The following CLINT1 variants were observed in gnomAD, a reference collection of about 807,000 sequenced individuals.
CLINT1 encodes clathrin interactor 1.
CLINT1 carries 15 observed loss-of-function variants against 70.4 expected under a neutral mutation model. The observed-to-expected ratio is 0.21, with a 90% CI of 0.14 to 0.33. The LOEUF (loss-of-function observed/expected upper bound fraction) is 0.33, where lower values mean the gene tolerates loss of function less well. Among genes scored for constraint, CLINT1 ranks in the 10% least tolerant of loss-of-function variants. The probability of loss-of-function intolerance (pLI) is 1.00; values close to 1 mark genes in which losing one functional copy is unlikely to be tolerated. For synonymous variants in CLINT1, 227 were observed against 254.7 expected (o/e 0.89, Z 1.04); for missense variants, 615 against 778.1 (o/e 0.79, Z 2.49).
At chr5:157,790,784 T>C (rs544673948) in intron 10 of CLINT1, 2 of 308,614 alleles carry the variant, frequency 6.5e-6, no homozygotes, top group Non-Finnish European at 1.3e-5. Flanking sequence ...AAGCTAGTAC[T>C]AGGTAATTCG....
chr5:157,849,504 T>C (rs906856608), intron 1 of CLINT1, among the ~76,000 whole-genome samples: 1 of 152,268 alleles, frequency 6.6e-6, no homozygotes, highest in African/African-American at 2.4e-5. Flanking sequence ...ATATTCACTT[T>C]ATTGCAGTGG....
chr5:157,807,500 G>A (rs7715660), intron 6 of CLINT1, among the ~76,000 whole-genome samples: 1,965 of 152,156 alleles, frequency 0.013, 19 homozygotes, highest in Non-Finnish European at 0.021. Flanking sequence ...GAATGTAATA[G>A]TGAACTAATA....
At chr5:157,851,756 A>G (rs996434290) in intron 1 of CLINT1, among the ~76,000 whole-genome samples, 2 of 152,158 alleles carry the variant, frequency 1.3e-5, no homozygotes, top group African/African-American at 2.4e-5. Context: ...AATGAAGTAC[A>G]AACCATTCAT....
At chr5:157,817,584 G>C in intron 1 of CLINT1, 37 bp from the exon 2 acceptor site, 1 of 1,325,670 alleles carries the variant, frequency 7.5e-7, no homozygotes, top group Non-Finnish European at 1.1e-6. Context: ...CATGCACAAA[G>C]ATTAGCATCA....
rs753618111 is a variant in CLINT1 at position 157,819,285 on chromosome 5, GA to G, written c.42-1739del. Among the ~76,000 whole-genome samples, 8 of 152,112 alleles carry G rather than the reference GA, an allele frequency of 5.3e-5. No homozygotes were observed. The South Asian group carries it at 1.0e-3, about 20-fold the overall frequency. On this transcript the variant is annotated intron_variant, in intron 1 of 11. Transcript: ENST00000411809. The stretch of plus-strand genomic sequence containing the variant: ...TTCAGAACACTGTTCTACTATGGAA[GA>G]AAAGCAAAATCCTATTATTTTCTTT...
chr5:157,853,418 G>A (rs779036100), intron 1 of CLINT1, among the ~76,000 whole-genome samples: 2 of 151,624 alleles, frequency 1.3e-5, no homozygotes, highest in Non-Finnish European at 2.9e-5. Context: ...TGGATTACTA[G>A]CAAATGGCAC....
In CLINT1 at chr5:157,822,848, A is replaced by C. The variant is rs897771835; in HGVS notation, c.42-5301T>G. 2.0e-5 allele frequency among the ~76,000 whole-genome samples: 3 copies of C among 152,164 alleles called. No individual in the cohort carries two copies. The East Asian group carries it at 5.8e-4, about 29-fold the overall frequency. On this transcript the variant is annotated intron_variant, in intron 1 of 11. Transcript: ENST00000411809. The stretch of plus-strand genomic sequence containing the variant: ...AAAAACTTGAGCAGTCCTTGTTGGT[A>C]TTTTTTCCTCTTAAAAGTTCAAGAA...
intron 1 of CLINT1, among the ~76,000 whole-genome samples, chr5:157,855,927 C>T (rs1753744354): frequency 6.6e-6 from 1 of 151,692 alleles, no homozygotes; most frequent in African/African-American, 2.4e-5. Context: ...AAGAGCGAAA[C>T]CCCATCTCAA....
At chr5:157,851,233 T>C (rs1753562394) in intron 1 of CLINT1, among the ~76,000 whole-genome samples, 1 of 152,244 alleles carries the variant, frequency 6.6e-6, no homozygotes. Context: ...TGAGAATTCT[T>C]GAATGAAACA....
At chr5:157,815,544 G>C (rs1158285962) in intron 3 of CLINT1, among the ~76,000 whole-genome samples, 1 of 152,136 alleles carries the variant, frequency 6.6e-6, no homozygotes, top group Admixed American at 6.6e-5. Context: ...AGGCGGAAAG[G>C]AGGGGGTGGC....
rs908128183 is a variant in CLINT1, at chr5:157,813,154, G to A, written c.426C>T (p.Asp142=). The change falls in exon 5 of 12, where the codon GAC becomes GAT. Residue 142 remains aspartate, a synonymous_variant. Transcript: ENST00000411809. The stretch of plus-strand genomic sequence containing the variant: ...TCTTTCGCTCTTCACGAAGCCTGTC[G>A]TCATCCTGGGCAAATTCAACCAATT... The part of the protein sequence containing the change: ...VKELVEFAQD[D]DRLREERKKA... 9.9e-6 allele frequency: 16 copies of A among 1,613,692 alleles called. No homozygotes were observed. Among genetic ancestry groups the A allele is most frequent in the East Asian group, 4.5e-5 (2 of 44,852 alleles).
At chr5:157,835,663 G>T (rs773790639) in intron 1 of CLINT1, among the ~76,000 whole-genome samples, 8 of 152,094 alleles carry the variant, frequency 5.3e-5, no homozygotes, top group Non-Finnish European at 1.0e-4. Flanking sequence ...TGGAAAGGAA[G>T]AAAGGGGAGC....
intron 5 of CLINT1, among the ~76,000 whole-genome samples, chr5:157,810,499 A>G (rs1037025906): frequency 1.3e-5 from 2 of 152,216 alleles, no homozygotes; most frequent in African/African-American, 4.8e-5. Context: ...CATTCCAAAC[A>G]TATGCTGAGA....
chr5:157,826,395 T>C (rs1145594), intron 1 of CLINT1, among the ~76,000 whole-genome samples: 13,271 of 152,252 alleles, frequency 0.087, 654 homozygotes, highest in East Asian at 0.18. Context: ...ATCCAAGCTA[T>C]TGCCAAAGTT....
chr5:157,804,273 T>C (rs1344535913), intron 7 of CLINT1, among the ~76,000 whole-genome samples: 1 of 152,126 alleles, frequency 6.6e-6, no homozygotes, highest in Non-Finnish European at 1.5e-5. Context: ...CACAAGTTAG[T>C]ATAATTCTAT....
At chr5:157,814,679 C>T (rs1474183543) in intron 3 of CLINT1, among the ~76,000 whole-genome samples, 4 of 152,132 alleles carry the variant, frequency 2.6e-5, no homozygotes, top group Non-Finnish European at 5.9e-5. Context: ...ATTAAACAAT[C>T]CTATAGTATT....
chr5:157,789,605 G>A lies in CLINT1; in HGVS notation c.1381-92C>T, dbSNP rs1383503492. On this transcript the variant is annotated intron_variant, in intron 10 of 11. Transcript: ENST00000411809. Reference sequence around the variant, plus strand: ...AAAATGCTCTAAAAATTAAGCATCTGTTCTATAAAAATTATCAGATGGCAA... The same window carrying A: ...AAAATGCTCTAAAAATTAAGCATCTATTCTATAAAAATTATCAGATGGCAA... The A allele has an allele frequency of 3.9e-6, 6 of 1,549,092 alleles. No individual in the cohort carries two copies. The South Asian group carries it at 5.7e-5, about 15-fold the overall frequency.
chr5:157,839,133 G>A (rs1763531392), intron 1 of CLINT1, among the ~76,000 whole-genome samples: 1 of 152,178 alleles, frequency 6.6e-6, no homozygotes, highest in Non-Finnish European at 1.5e-5. Context: ...GGAGGCTGAG[G>A]TGGGAGGATC....
At chr5:157,827,489 T>C (rs1763076619) in intron 1 of CLINT1, among the ~76,000 whole-genome samples, 1 of 152,230 alleles carries the variant, frequency 6.6e-6, no homozygotes, top group African/African-American at 2.4e-5. Flanking sequence ...GTGGGATTTC[T>C]GCCCCTTAAA....
Sources: gnomAD v4.1 joint callset for allele counts (sites outside exome capture counted in the v4.1 genomes callset) on GRCh38, gnomAD v4.1.1 for gene constraint, MANE v1.5 for transcripts, NCBI Gene and HGNC (gene_info 2026-07-23, HGNC 2026-07-21) for gene names.